The following CLDN10 variants were observed in gnomAD, a reference collection of about 807,000 sequenced individuals.
CLDN10 encodes the protein claudin 10.
A neutral mutation model predicts 22.9 loss-of-function variants in CLDN10; 15 were observed. The observed-to-expected ratio is 0.65, with a 90% CI of 0.44 to 1.01. The LOEUF is 1.01. Among genes scored for constraint, CLDN10 ranks in the 50% least tolerant of loss-of-function variants. CLDN10 has a pLI of 0.00. For synonymous variants in CLDN10, 114 were observed against 111.4 expected (o/e 1.02, Z -0.15); for missense variants, 247 against 287.8 (o/e 0.86, Z 1.03).
At chr13:95,450,259 T>A (rs1381693312) in intron 1 of CLDN10, among the ~76,000 whole-genome samples, 1 of 152,230 alleles carries the variant, frequency 6.6e-6, no homozygotes, top group African/African-American at 2.4e-5. Flanking sequence ...TTAGCTTTTG[T>A]TGTTTGCTCC....
Position 95,552,750 on chromosome 13 carries a change from CG to C in CLDN10, c.-2del, listed in dbSNP as rs774187589. The C allele has an allele frequency of 6.2e-7, 1 of 1,607,040 alleles. No homozygotes were observed. Among genetic ancestry groups the C allele is most frequent in the Non-Finnish European group, 8.5e-7 (1 of 1,176,880 alleles). ...GGAGAGCGAGCGCGGCTGCAGCCGGCGGCATGGCTAGCACGGCTTCGGAGAT... is the reference window on the plus strand; with the variant it reads ...GGAGAGCGAGCGCGGCTGCAGCCGGCGCATGGCTAGCACGGCTTCGGAGAT... On this transcript the variant is annotated 5_prime_UTR_variant, in exon 1 of 5. Transcript: ENST00000299339.
At chr13:95,564,903 C>T (rs532461329) in intron 3 of CLDN10, among the ~76,000 whole-genome samples, 9 of 152,114 alleles carry the variant, frequency 5.9e-5, no homozygotes, top group Non-Finnish European at 1.3e-4. Context: ...ATTTTTCTTC[C>T]GAGCTACAAT....
chr13:95,572,220 C>A (rs955282352), intron 3 of CLDN10, among the ~76,000 whole-genome samples: 3 of 151,990 alleles, frequency 2.0e-5, no homozygotes, highest in Non-Finnish European at 2.9e-5. Context: ...ACTTAATGAG[C>A]CAGGGAGAGA....
chr13:95,477,550 C>T (rs1246203165), intron 1 of CLDN10, among the ~76,000 whole-genome samples: 4 of 152,068 alleles, frequency 2.6e-5, no homozygotes, highest in Non-Finnish European at 4.4e-5. Flanking sequence ...TGCAGATGCA[C>T]GCGGGGCAGA....
intron 3 of CLDN10, among the ~76,000 whole-genome samples, chr13:95,570,829 T>TACACAC (rs537635169): frequency 1.7e-4 from 22 of 129,420 alleles, no homozygotes; most frequent in Admixed American, 5.1e-4. Context: ...TATATATATA[T>TACACAC]ACACACACAC....
chr13:95,476,802 G>C lies in CLDN10; in HGVS notation c.214+42755G>C, dbSNP rs376046003. Among the ~76,000 whole-genome samples, 109 of 152,214 alleles carry C rather than the reference G, an allele frequency of 7.2e-4. 1 individual carries two copies. The highest frequency in any genetic ancestry group is 2.4e-3 in the African/African-American group (100 of 41,544). ...AGGACAGATGAAGTCACTGAGTCTCGGGGGCACCTTCACAATCTCTCACAG... is the reference window on the plus strand; with the variant it reads ...AGGACAGATGAAGTCACTGAGTCTCCGGGGCACCTTCACAATCTCTCACAG... On this transcript the variant is annotated intron_variant, in intron 1 of 4. Coordinates refer to the CLDN10 transcript ENST00000376873.
At chr13:95,505,969 A>C (rs1253344740) in intron 1 of CLDN10, among the ~76,000 whole-genome samples, 1 of 151,692 alleles carries the variant, frequency 6.6e-6, no homozygotes, top group Non-Finnish European at 1.5e-5. Context: ...TGAACTCCTG[A>C]CCTCTGGTGA....
intron 1 of CLDN10, among the ~76,000 whole-genome samples, chr13:95,534,106 G>C (rs1433621500): frequency 6.6e-6 from 1 of 152,136 alleles, no homozygotes; most frequent in Non-Finnish European, 1.5e-5. Context: ...TTTGGGTAAT[G>C]TGTGTCTCCC....
intron 1 of CLDN10, among the ~76,000 whole-genome samples, chr13:95,545,743 A>T (rs1202064810): frequency 6.6e-6 from 1 of 152,174 alleles, no homozygotes; most frequent in African/African-American, 2.4e-5. Flanking sequence ...CCAGAAAATG[A>T]AATAAACATG....
At chr13:95,491,852 G>A (rs2042874721) in intron 1 of CLDN10, among the ~76,000 whole-genome samples, 1 of 152,148 alleles carries the variant, frequency 6.6e-6, no homozygotes, top group African/African-American at 2.4e-5. Context: ...TTGTCCCATG[G>A]GGTGTTCCCT....
intron 1 of CLDN10, among the ~76,000 whole-genome samples, chr13:95,557,593 C>T (rs1027660922): frequency 6.6e-6 from 1 of 152,144 alleles, no homozygotes; most frequent in Non-Finnish European, 1.5e-5. Flanking sequence ...GCAAAATTAA[C>T]AAGTTATGGC....
At chr13:95,469,280 TATG>T (rs1261939297) in intron 1 of CLDN10, among the ~76,000 whole-genome samples, 2 of 152,186 alleles carry the variant, frequency 1.3e-5, no homozygotes. Flanking sequence ...ATGGAGAGAT[TATG>T]ATCTGAGTGA....
chr13:95,525,612 C>T (rs2043272307), intron 1 of CLDN10, among the ~76,000 whole-genome samples: 2 of 152,150 alleles, frequency 1.3e-5, no homozygotes, highest in African/African-American at 4.8e-5. Flanking sequence ...ATGCCTTAGC[C>T]TCCAAAGTAG....
chr13:95,563,325 G>A (rs1466458131), intron 3 of CLDN10, among the ~76,000 whole-genome samples: 1 of 152,024 alleles, frequency 6.6e-6, no homozygotes, highest in Non-Finnish European at 1.5e-5. Context: ...ATTCTGTATA[G>A]TATGTAAGAT....
intron 1 of CLDN10, among the ~76,000 whole-genome samples, chr13:95,476,195 G>A (rs2042684614): frequency 6.6e-6 from 1 of 152,208 alleles, no homozygotes; most frequent in Admixed American, 6.5e-5. Flanking sequence ...GGTTAGACGT[G>A]TGTGGAGCTC....
chr13:95,554,394 A>G (rs2043607503), intron 1 of CLDN10, among the ~76,000 whole-genome samples: 2 of 143,158 alleles, frequency 1.4e-5, no homozygotes, highest in African/African-American at 5.3e-5. Flanking sequence ...CAGTTGGGGG[A>G]CAAGGGAGAG....
At chr13:95,468,038 TTTAAATA>T (rs1299765372) in intron 1 of CLDN10, among the ~76,000 whole-genome samples, 1 of 152,192 alleles carries the variant, frequency 6.6e-6, no homozygotes, top group Non-Finnish European at 1.5e-5. Context: ...AGTCTACCAA[TTTAAATA>T]TTAATCTCAT....
intron 1 of CLDN10, among the ~76,000 whole-genome samples, chr13:95,519,288 T>C (rs972244164): frequency 3.3e-5 from 5 of 152,222 alleles, no homozygotes; most frequent in Non-Finnish European, 7.3e-5. Context: ...ACCAGAGACC[T>C]AAACAAGCAG....
chr13:95,504,131 G>A (rs2043013538), intron 1 of CLDN10, among the ~76,000 whole-genome samples: 1 of 152,192 alleles, frequency 6.6e-6, no homozygotes. Flanking sequence ...GATAAAGCCA[G>A]CCAAGCAAGC....
Sources: allele counts gnomAD v4.1 joint callset (sites outside exome capture counted in the v4.1 genomes callset), GRCh38; gene constraint gnomAD v4.1.1; transcripts MANE v1.5; gene names NCBI Gene and HGNC (gene_info 2026-07-23, HGNC 2026-07-21).